Variants in LSAMP observed in about 807,000 individuals in gnomAD.
The protein encoded by LSAMP is limbic system associated membrane protein.
Under a neutral mutation model 38.6 loss-of-function variants are expected in LSAMP, and 7 were observed. The ratio of observed to expected loss-of-function variants is 0.18; its 90% CI spans 0.10 to 0.34. The LOEUF (loss-of-function observed/expected upper bound fraction) is 0.34, where lower values mean the gene tolerates loss of function less well. Ranked by LOEUF, LSAMP falls within the 10% of genes least tolerant of loss-of-function variation. The probability of loss-of-function intolerance (pLI) is 1.00; values close to 1 mark genes in which losing one functional copy is unlikely to be tolerated. For missense variants in LSAMP, 313 were observed against 420.0 expected (o/e 0.75, Z 2.23); for synonymous variants, 154 against 166.8 (o/e 0.92, Z 0.59).
At chr3:116,221,842 G>A (rs71323435) in intron 1 of LSAMP, among the ~76,000 whole-genome samples, 1 of 48,120 alleles carries the variant, frequency 2.1e-5, no homozygotes, top group Middle Eastern at 0.011. Context: ...ATCCTAAAAA[G>A]AAGTGTGTGT....
chr3:116,048,442 T>C (rs1443384763), intron 2 of LSAMP, among the ~76,000 whole-genome samples: 1 of 152,206 alleles, frequency 6.6e-6, no homozygotes, highest in Non-Finnish European at 1.5e-5. Flanking sequence ...GGGGTGACGA[T>C]AGGCAATGCT....
intron 1 of LSAMP, among the ~76,000 whole-genome samples, chr3:116,204,609 T>A (rs987994638): frequency 6.6e-6 from 1 of 152,044 alleles, no homozygotes; most frequent in Non-Finnish European, 1.5e-5. Flanking sequence ...CAGTTTCATC[T>A]TTCTCCATAT....
At chr3:115,902,181 T>C (rs1368153389) in intron 3 of LSAMP, among the ~76,000 whole-genome samples, 1 of 152,066 alleles carries the variant, frequency 6.6e-6, no homozygotes, top group Non-Finnish European at 1.5e-5. Flanking sequence ...AGCTCATGCA[T>C]TCTAGAAGCT....
At chr3:116,084,454 G>C (rs1317534259) in intron 2 of LSAMP, among the ~76,000 whole-genome samples, 3 of 89,690 alleles carry the variant, frequency 3.3e-5, no homozygotes, top group African/African-American at 1.1e-4. Context: ...TAAAATCATG[G>C]CAAAAAAAAA....
chr3:116,025,968 T>C (rs1306929942), intron 2 of LSAMP, among the ~76,000 whole-genome samples: 1 of 152,350 alleles, frequency 6.6e-6, no homozygotes. Context: ...TTTGTTTTTC[T>C]GTGTGCATTG....
At chr3:115,817,893 TTGTG>T (rs1002961026) in intron 6 of LSAMP, among the ~76,000 whole-genome samples, 1 of 152,220 alleles carries the variant, frequency 6.6e-6, no homozygotes, top group African/African-American at 2.4e-5. Flanking sequence ...ATGTTTTAAG[TTGTG>T]TATTAAACAT....
At position 116,283,441 on chromosome 3, in the gene LSAMP, A is replaced by G. The variant is rs573624235; in HGVS notation, c.155+161436T>C. ...TACACTTTAGCATGAGATAGAGGAAAAAACTATTGACTAATATGGCTTGAC... is the reference window on the plus strand; with the variant it reads ...TACACTTTAGCATGAGATAGAGGAAGAAACTATTGACTAATATGGCTTGAC... On this transcript the variant is annotated intron_variant, in intron 1 of 6. Coordinates refer to ENST00000490035, the MANE Select transcript of LSAMP (RefSeq NM_002338.5). Among the ~76,000 whole-genome samples, 7 of 152,306 alleles carry G rather than the reference A, an allele frequency of 4.6e-5. No homozygotes were observed. In the South Asian group the frequency reaches 1.2e-3, roughly 27 times the overall value.
At chr3:116,260,890 T>G (rs1417987573) in intron 1 of LSAMP, among the ~76,000 whole-genome samples, 1 of 152,156 alleles carries the variant, frequency 6.6e-6, no homozygotes, top group African/African-American at 2.4e-5. Context: ...CTTGAGTGTT[T>G]GTTGATGAGG....
intron 1 of LSAMP, among the ~76,000 whole-genome samples, chr3:116,184,617 T>G (rs1710567270): frequency 2.6e-5 from 4 of 151,996 alleles, no homozygotes; most frequent in Non-Finnish European, 5.9e-5. Context: ...GTTTGAAGAT[T>G]GTGTTGCAGG....
rs556323091 is a variant in LSAMP, at chr3:115,883,023, A to G, written c.515-30406T>C. On this transcript the variant is annotated intron_variant, in intron 3 of 6. Transcript: ENST00000490035. ...TACAATCTTCCATATAGATAACTAT[A>G]TGGAAGAATTTGTGCAGAGAGAATG... Among the ~76,000 whole-genome samples, 22 of 152,222 alleles carry G rather than the reference A, an allele frequency of 1.4e-4. 1 individual carries two copies. Among genetic ancestry groups the G allele is most frequent in the African/African-American group, 5.3e-4 (22 of 41,572 alleles).
chr3:116,184,025 C>T (rs919318860), intron 1 of LSAMP, among the ~76,000 whole-genome samples: 5 of 151,684 alleles, frequency 3.3e-5, no homozygotes, highest in Non-Finnish European at 5.9e-5. Flanking sequence ...ATCATATGTG[C>T]TGTACGATGT....
intron 3 of LSAMP, among the ~76,000 whole-genome samples, chr3:115,875,066 C>T (rs936853990): frequency 6.6e-6 from 1 of 152,020 alleles, no homozygotes; most frequent in African/African-American, 2.4e-5. Context: ...CTTTTTATAA[C>T]AAATTCAAAA....
chr3:116,217,232 A>G (rs985403159), intron 1 of LSAMP, among the ~76,000 whole-genome samples: 2 of 152,196 alleles, frequency 1.3e-5, no homozygotes, highest in African/African-American at 4.8e-5. Context: ...TCAAGGATTT[A>G]TGGCGTTTTC....
chr3:115,860,968 C>A (rs1038718908), intron 3 of LSAMP, among the ~76,000 whole-genome samples: 7 of 152,124 alleles, frequency 4.6e-5, no homozygotes, highest in African/African-American at 1.7e-4. Context: ...ACTACATCTC[C>A]TTTAAGCCTG....
At chr3:116,261,951 A>C (rs2046832161) in intron 1 of LSAMP, among the ~76,000 whole-genome samples, 1 of 151,056 alleles carries the variant, frequency 6.6e-6, no homozygotes, top group African/African-American at 2.4e-5. Context: ...TTTCTAAATT[A>C]AAGTAAGAGA....
At chr3:115,982,604 A>G (rs9873260) in intron 3 of LSAMP, among the ~76,000 whole-genome samples, 59,082 of 151,786 alleles carry the variant, frequency 0.39, 11,704 homozygotes, top group African/African-American at 0.46. Flanking sequence ...TCAGGTTTTT[A>G]AAAACCTTTT....
chr3:116,008,559 G>A (rs1940232274), intron 3 of LSAMP, among the ~76,000 whole-genome samples: 1 of 152,086 alleles, frequency 6.6e-6, no homozygotes. Context: ...TTGTACACTA[G>A]GCAACATTTT....
chr3:115,929,609 G>T (rs754113961), intron 3 of LSAMP, among the ~76,000 whole-genome samples: 3 of 152,202 alleles, frequency 2.0e-5, no homozygotes, highest in South Asian at 2.1e-4. Flanking sequence ...CATTAAACAA[G>T]TGTCTAACCT....
At chr3:116,391,273 G>T (rs1284846256) in intron 1 of LSAMP, among the ~76,000 whole-genome samples, 1 of 151,852 alleles carries the variant, frequency 6.6e-6, no homozygotes, top group Non-Finnish European at 1.5e-5. Context: ...CAGCAGTGGC[G>T]GTGGTGGGAC....
Sources: allele counts gnomAD v4.1 joint callset (sites outside exome capture counted in the v4.1 genomes callset), GRCh38; gene constraint gnomAD v4.1.1; transcripts MANE v1.5; gene names NCBI Gene and HGNC (gene_info 2026-07-23, HGNC 2026-07-21).